Variants in BLNK observed in about 807,000 individuals in gnomAD.
BLNK encodes the protein B-cell linker protein.
BLNK carries 29 observed loss-of-function variants against 73.5 expected under a neutral mutation model. The observed-to-expected ratio is 0.39, with a 90% confidence interval of 0.29 to 0.54. The LOEUF is 0.54. Among genes scored for constraint, BLNK ranks in the 20% least tolerant of loss-of-function variants. The probability of loss-of-function intolerance (pLI) is 0.61; values close to 1 mark genes in which losing one functional copy is unlikely to be tolerated. For missense variants in BLNK, 460 were observed against 562.8 expected, an observed-to-expected ratio of 0.82 and a Z score of 1.85; for synonymous variants, 176 against 200.8, an observed-to-expected ratio of 0.88 and a Z score of 1.04.
At chr10:96,193,858 CAT>C (rs2083390966) in intron 16 of BLNK, among the ~76,000 whole-genome samples, 1 of 152,232 alleles carries the variant, frequency 6.6e-6, no homozygotes, top group Non-Finnish European at 1.5e-5. Flanking sequence ...AAAAACTCCA[CAT>C]GATTGACATC....
At position 96,215,376 on chromosome 10, in the gene BLNK, A is replaced by G. The variant is rs1370956041; in HGVS notation, c.621T>C (p.Asn207=). The change falls in exon 8 of 17, where the codon AAT becomes AAC. Residue 207 remains asparagine, a synonymous_variant. Transcript: ENST00000224337. ...SPPPEKAPMV[N]RSTKPNSSTP... ...TTGAGGAATTTGGCTTGGTTGATCT[A>G]TTCACCATGGGAGCTTAAACACAGA... 4 of 1,613,366 alleles carry G rather than the reference A, an allele frequency of 2.5e-6. No individual in the cohort carries two copies. In the South Asian group the frequency reaches 3.3e-5, roughly 13 times the overall value.
At chr10:96,225,473 G>A (rs1554902247) in intron 5 of BLNK, among the ~76,000 whole-genome samples, 2 of 152,152 alleles carry the variant, frequency 1.3e-5, no homozygotes, top group African/African-American at 4.8e-5. Flanking sequence ...TTCTGGTGGT[G>A]TGGCTGTACT....
chr10:96,201,676 A>G (rs1554896185), intron 13 of BLNK, among the ~76,000 whole-genome samples: 1 of 152,012 alleles, frequency 6.6e-6, no homozygotes, highest in African/African-American at 2.4e-5. Flanking sequence ...TCAGGCATCA[A>G]CTCCCTCAAA....
At chr10:96,199,942 T>C in intron 15 of BLNK, 133 bp downstream of exon 15, 1 of 492,958 alleles carries the variant, frequency 2.0e-6, no homozygotes, top group Non-Finnish European at 3.2e-6. Context: ...GAGAATCACT[T>C]GAACTTGGGA....
chr10:96,202,319 A>G (rs1461310486), intron 13 of BLNK, among the ~76,000 whole-genome samples: 52 of 152,226 alleles, frequency 3.4e-4, no homozygotes, highest in African/African-American at 1.2e-3. Context: ...GCAACAGCAG[A>G]GTGGGGGAGG....
chr10:96,190,298 G>A lies in BLNK; in HGVS notation c.*1675C>T. ...ACTGCTCAAGAGAACAGCCATACAG[G>A]ATGGAATCACGCCAGTAGTATTGTT... On this transcript the variant is annotated 3_prime_UTR_variant, in exon 17 of 17. Coordinates refer to ENST00000224337, the MANE Select transcript of BLNK (RefSeq NM_013314.4). The A allele has an allele frequency of 1.5e-6, 1 of 651,568 alleles. No individual in the cohort carries two copies. The allele number at this position is 651,568 out of a possible 1,614,324, so 40.4% of individuals were successfully genotyped here.
Position 96,204,100 on chromosome 10 carries a change from A to T in BLNK, c.903-12T>A, listed in dbSNP as rs2083732128. On this transcript the variant is annotated splice_polypyrimidine_tract_variant and intron_variant, in intron 12 of 16. Coordinates refer to ENST00000224337, the MANE Select transcript of BLNK (RefSeq NM_013314.4). ...TTTGGTGGATTTGTCTGCAAGAAAG[A>T]ATTTCAGATAATTAAAGGACAAAGC... The T allele has an allele frequency of 1.2e-6, 2 of 1,613,600 alleles. No individual in the cohort carries two copies. The highest frequency in any genetic ancestry group is 1.7e-5 in the Admixed American group (1 of 60,008).
chr10:96,209,352 AC>A (rs1330629184), intron 9 of BLNK, among the ~76,000 whole-genome samples: 1 of 152,124 alleles, frequency 6.6e-6, no homozygotes, highest in African/African-American at 2.4e-5. Context: ...CTAAAACTTC[AC>A]AGGAGGAAAT....
intron 1 of BLNK, among the ~76,000 whole-genome samples, chr10:96,265,417 C>T (rs1451122039): frequency 6.6e-6 from 1 of 152,106 alleles, no homozygotes; most frequent in Non-Finnish European, 1.5e-5. Flanking sequence ...GAAGTAGAAA[C>T]AGACTATTTA....
At chr10:96,262,965 G>A (rs1365293095) in intron 1 of BLNK, among the ~76,000 whole-genome samples, 4 of 152,174 alleles carry the variant, frequency 2.6e-5, no homozygotes, top group Non-Finnish European at 5.9e-5. Context: ...GGCCTCTCTG[G>A]GCCTCACCTT....
At chr10:96,233,758 C>T (rs1842596145) in intron 3 of BLNK, among the ~76,000 whole-genome samples, 1 of 152,206 alleles carries the variant, frequency 6.6e-6, no homozygotes, top group African/African-American at 2.4e-5. Context: ...TTCGTTCTGT[C>T]CTGTGCTGTG....
chr10:96,252,497 A>G (rs1843327117), intron 1 of BLNK, among the ~76,000 whole-genome samples: 1 of 152,176 alleles, frequency 6.6e-6, no homozygotes, highest in Non-Finnish European at 1.5e-5. Flanking sequence ...TGGGGGAAAA[A>G]CTAAGTTCTC....
chr10:96,220,197 C>A lies in BLNK; in HGVS notation c.526-3463G>T, dbSNP rs192388175. 3.0e-3 allele frequency among the ~76,000 whole-genome samples: 450 copies of A among 152,206 alleles called. 3 individuals are homozygous for A. Among genetic ancestry groups the A allele is most frequent in the Non-Finnish European group, 2.9e-3 (197 of 68,012 alleles). On this transcript the variant is annotated intron_variant, in intron 6 of 16. Coordinates refer to ENST00000224337, the MANE Select transcript of BLNK (RefSeq NM_013314.4). The stretch of plus-strand genomic sequence containing the variant: ...TTTCCCTTCAGATTCCACTGTCTTG[C>A]AAGAGAGAGAGAGATGCTCTCCTCT...
At chr10:96,213,036 C>T (rs1464056216) in intron 8 of BLNK, among the ~76,000 whole-genome samples, 1 of 152,192 alleles carries the variant, frequency 6.6e-6, no homozygotes, top group Non-Finnish European at 1.5e-5. Context: ...TATTAAAATA[C>T]AGCTATACCA....
At chr10:96,260,842 C>G (rs1843722824) in intron 1 of BLNK, among the ~76,000 whole-genome samples, 1 of 151,802 alleles carries the variant, frequency 6.6e-6, no homozygotes, top group Admixed American at 6.6e-5. Context: ...AATTTTGAAG[C>G]AATATCTTTT....
intron 2 of BLNK, among the ~76,000 whole-genome samples, 184 bp downstream of exon 2, chr10:96,246,800 C>T (rs1049839604): frequency 1.3e-5 from 2 of 152,346 alleles, no homozygotes; most frequent in South Asian, 4.1e-4. Flanking sequence ...AGTACAACTG[C>T]ACTCACTTGT....
intron 3 of BLNK, among the ~76,000 whole-genome samples, chr10:96,240,655 G>A (rs1842855322): frequency 6.6e-6 from 1 of 152,112 alleles, no homozygotes; most frequent in Admixed American, 6.5e-5. Flanking sequence ...TCCAGCCAGG[G>A]CTGCCTGTCC....
chr10:96,206,214 GA>G (rs2133972736), intron 11 of BLNK, among the ~76,000 whole-genome samples: 1 of 152,254 alleles, frequency 6.6e-6, no homozygotes, highest in African/African-American at 2.4e-5. Context: ...TCAACTCAGG[GA>G]AGAGGGAGAA....
chr10:96,231,133 A>C (rs1842485139), intron 3 of BLNK, among the ~76,000 whole-genome samples: 1 of 152,192 alleles, frequency 6.6e-6, no homozygotes. Flanking sequence ...AATTCATACT[A>C]TGTGGCTTCT....
Sources: allele counts gnomAD v4.1 joint callset (sites outside exome capture counted in the v4.1 genomes callset), GRCh38; gene constraint gnomAD v4.1.1; transcripts MANE v1.5; gene names NCBI Gene and HGNC (gene_info 2026-07-23, HGNC 2026-07-21).